The following PKD1 variants were observed in gnomAD, a reference collection of about 807,000 sequenced individuals.
PKD1 encodes polycystin-1.
A neutral mutation model predicts 361.7 loss-of-function variants in PKD1; 81 were observed. The ratio of observed to expected loss-of-function variants is 0.22; its 90% CI spans 0.19 to 0.27. PKD1 has a LOEUF of 0.27. PKD1 is among the 10% of genes least tolerant of loss of function. PKD1 has a pLI of 1.00. For missense variants in PKD1, 6,399 were observed against 6,118.3 expected (o/e 1.05, Z -1.53); for synonymous variants, 3,615 against 2,818.3 (o/e 1.28, Z -8.95).
rs757367139 is a variant in PKD1 at position 2,100,242 on chromosome 16, G to A, written c.9636C>T (p.Phe3212=). The A allele has an allele frequency of 2.8e-5, 45 of 1,610,614 alleles. No individual in the cohort carries two copies. In the East Asian group the frequency reaches 4.2e-4, roughly 15 times the overall value. ...VRDLQTARSA[F]FLVNDWLSVE... is the part of the protein sequence containing the mutation. ...CCGAAAGCCAGTCATTGACCAGGAA[G>A]AAGGCGCTGCGTGCCGTCTGCAGGT... is the stretch of plus-strand genomic sequence containing the variant. The change falls in exon 28 of 46, where the codon TTC becomes TTT. Residue 3212 remains phenylalanine, a synonymous_variant. Transcript: ENST00000262304. The surrounding 1 kb of genome is among the most constrained non-coding windows in gnomAD (Gnocchi z 4.4).
intron 8 of PKD1, 36 bp downstream of exon 8, chr16:2,116,493 A>T (rs1567214616): frequency 1.7e-6 from 2 of 1,167,696 alleles, no homozygotes; most frequent in Non-Finnish European, 1.2e-6. Flanking sequence ...AGGGGCAGGC[A>T]GGAGGGCAGG....
At chr16:2,092,843 T>A in intron 38 of PKD1, 111 bp downstream of exon 38, 1 of 1,353,498 alleles carries the variant, frequency 7.4e-7, no homozygotes, top group Non-Finnish European at 1.1e-6. Flanking sequence ...CTACCTCCAG[T>A]TCTAGCAGCC....
Position 2,108,299 on chromosome 16 carries a change from C to A in PKD1, c.6868G>T (p.Asp2290Tyr), listed in dbSNP as rs550509675. ...CAGTGGAAACTGAGCGGCGTCTGGT[C>A]GCCGTCCTCCAGGTTGGGGTCGTAG... is the stretch of plus-strand genomic sequence containing the variant. ...ESYDPNLEDG[D>Y]QTPLSFHWAC... is the part of the protein sequence containing the mutation. Residue 2290 changes from aspartate (D) to tyrosine (Y), a missense_variant, in exon 15 of 46, where the codon GAC becomes TAC. Coordinates refer to ENST00000262304, the MANE Select transcript of PKD1 (RefSeq NM_001009944.3). The A allele has an allele frequency of 2.2e-5, 36 of 1,601,518 alleles. 2 individuals are homozygous for A. In the East Asian group the frequency reaches 3.6e-4, roughly 16 times the overall value.
In PKD1 at chr16:2,090,481, G is replaced by A. The variant is rs1406636973; in HGVS notation, c.12248C>T (p.Ser4083Leu). ...TLCPAESWHL[S>L]PLLCVGLWAL... The stretch of plus-strand genomic sequence containing the variant: ...CCAGAGCCCCACACACAGCAGGGGT[G>A]ACAGGTGCCAGGACTCGGCAGGACA... Residue 4083 changes from serine (S) to leucine (L), a missense_variant, in exon 45 of 46, where the codon TCA becomes TTA. Transcript: ENST00000262304. The A allele has an allele frequency of 1.2e-6, 2 of 1,612,120 alleles. No individual in the cohort carries two copies. Among genetic ancestry groups the A allele is most frequent in the African/African-American group, 1.3e-5 (1 of 75,036 alleles).
At chr16:2,131,138 C>T (rs1372253421) in intron 1 of PKD1, among the ~76,000 whole-genome samples, 7 of 152,164 alleles carry the variant, frequency 4.6e-5, no homozygotes, top group Non-Finnish European at 7.3e-5. Context: ...CAAGACACAG[C>T]GAGAAATCCA....
chr16:2,117,311 A>G (rs2092654274), intron 6 of PKD1, among the ~76,000 whole-genome samples, 178 bp downstream of exon 6: 2 of 152,072 alleles, frequency 1.3e-5, no homozygotes, highest in Admixed American at 6.5e-5. Flanking sequence ...CCCCCAGCTC[A>G]TGTCCACCTC....
In PKD1 at chr16:2,100,378, G is replaced by A; in HGVS notation, c.9568+18C>T. ...ATGCGGGGGCAGAGGGGCAGAGCTT[G>A]GCAGGGTCCGCACAAACCTTTGTTG... On this transcript the variant is annotated intron_variant, in intron 27 of 45. Transcript: ENST00000262304. The surrounding 1 kb of genome is among the most constrained non-coding windows in gnomAD (Gnocchi z 4.4). The A allele has an allele frequency of 6.2e-7, 1 of 1,611,176 alleles. No homozygotes were observed. Among genetic ancestry groups the A allele is most frequent in the Non-Finnish European group, 8.5e-7 (1 of 1,179,686 alleles).
At position 2,099,879 on chromosome 16, in the gene PKD1, A is replaced by G. The variant is rs2092019152; in HGVS notation, c.9905T>C (p.Val3302Ala). The change falls in exon 29 of 46, where the codon GTT (valine) becomes GCT (alanine). Residue 3302 changes from valine to alanine, a missense_variant. Val to Ala is a moderately conservative substitution (Grantham distance 64). Coordinates refer to ENST00000262304, the MANE Select transcript of PKD1 (RefSeq NM_001009944.3). ...LGANAVWYGA[V>A]GDSAYSTGHV... ...CACCCACCTGTAGGCAGAGTCGCCA[A>G]CAGCCCCGTACCACACGGCGTTGGC... The G allele has an allele frequency of 1.3e-6, 2 of 1,566,830 alleles. No homozygotes were observed. Among genetic ancestry groups the G allele is most frequent in the Admixed American group, 3.8e-5 (2 of 52,860 alleles).
rs759034846 is a variant in PKD1 at position 2,097,353 on chromosome 16, G to T, written c.10371C>A (p.Ser3457Arg). 1.2e-6 allele frequency: 2 copies of T among 1,612,212 alleles called. No homozygotes were observed. The highest frequency in any genetic ancestry group is 2.2e-5 in the South Asian group (2 of 91,080). ...GPEEDGFSLA[S>R]PYSPAKSFSA... ...AGAAGGATTTGGCAGGCGAGTAGGG[G>T]CTGGCCAGGGAGAAGCCGTCCTCCT... The change falls in exon 33 of 46, where the codon AGC becomes AGA. Residue 3457 changes from serine to arginine, a missense_variant. Coordinates refer to ENST00000262304, the MANE Select transcript of PKD1 (RefSeq NM_001009944.3).
chr16:2,113,056 C>A, intron 12 of PKD1, 93 bp from the exon 13 acceptor site: 2 of 1,359,160 alleles, frequency 1.5e-6, no homozygotes, highest in African/African-American at 1.4e-5. Context: ...GCCATGGCAG[C>A]GTCCTCGGGC....
Position 2,090,567 on chromosome 16 carries a change from G to T in PKD1, c.12162C>A (p.Ser4054=). 5.0e-6 allele frequency: 8 copies of T among 1,609,174 alleles called. No individual in the cohort carries two copies. The highest frequency in any genetic ancestry group is 5.1e-6 in the Non-Finnish European group (6 of 1,179,662). Residue 4054 remains serine (S), a synonymous_variant, in exon 45 of 46, where the codon TCC becomes TCA. Coordinates refer to ENST00000262304, the MANE Select transcript of PKD1 (RefSeq NM_001009944.3). ...ACAGGGCCTGGGCCACGCTCCAGAG[G>T]GAGTCCACACAGGAAGACACGAGCT... ...AILLVSSCVD[S]LWSVAQALLV...
Position 2,100,190 on chromosome 16 carries a change from C to G in PKD1, c.9688G>C (p.Val3230Leu), listed in dbSNP as rs747054731. Residue 3230 changes from valine (V) to leucine (L), a missense_variant, in exon 28 of 46, where the codon GTG becomes CTG. Val to Leu is a conservative substitution (Grantham distance 32). Transcript: ENST00000262304. This position sits in a 1 kb window ranked among gnomAD's most constrained non-coding sequence, Gnocchi z 4.4. ...CTCGCGGCCAGCACCTCCTTCTCCA[C>G]CAGGCCCCCGTTGGCCTCCGTCTCC... is the stretch of plus-strand genomic sequence containing the variant. The part of the protein sequence containing the change: ...SVETEANGGL[V>L]EKEVLAASDA... The G allele has an allele frequency of 1.2e-6, 2 of 1,609,630 alleles. No individual in the cohort carries two copies. The highest frequency in any genetic ancestry group is 2.7e-5 in the African/African-American group (2 of 74,844).
At chr16:2,092,783 C>G (rs2091656640) in intron 38 of PKD1, 171 bp downstream of exon 38, 3 of 884,208 alleles carry the variant, frequency 3.4e-6, no homozygotes, top group South Asian at 2.7e-5. Context: ...CTGTGCACTG[C>G]AAGACACGGA....
rs2092481034 is a variant in PKD1, at chr16:2,110,758, C to A, written c.4409G>T (p.Ser1470Ile). The A allele has an allele frequency of 6.2e-7, 1 of 1,610,752 alleles. No homozygotes were observed. The highest frequency in any genetic ancestry group is 8.5e-7 in the Non-Finnish European group (1 of 1,179,790). ...VEVQEPVLVT[S>I]IKVNGSLGLE... ...CCCAAGGGAGCCATTGACCTTGATG[C>A]TGGTGACCAGCACGGGCTCCTGCAC... is the stretch of plus-strand genomic sequence containing the variant. Residue 1470 changes from serine (S) to isoleucine (I), a missense_variant, in exon 15 of 46, where the codon AGC becomes ATC. Transcript: ENST00000262304.
chr16:2,114,083 T>G, intron 11 of PKD1, 87 bp downstream of exon 11: 8 of 1,137,436 alleles, frequency 7.0e-6, no homozygotes, highest in Non-Finnish European at 1.0e-5. Flanking sequence ...CTGCCCTCAC[T>G]GGGAAGCCAG....
chr16:2,089,504 G>A lies in PKD1; in HGVS notation c.*223C>T. The A allele has an allele frequency of 1.7e-6, 1 of 602,344 alleles. No homozygotes were observed. Among genetic ancestry groups the A allele is most frequent in the Non-Finnish European group, 3.0e-6 (1 of 337,466 alleles). 37.3% of individuals were successfully genotyped at this position (602,344 alleles called of 1,614,324 possible). ...CAGAGGCTAGAAACCGTCCAATACT[G>A]CTGTGTCCTTCCCAAGGGAGCTGGG... is the stretch of plus-strand genomic sequence containing the variant. On this transcript the variant is annotated 3_prime_UTR_variant, in exon 46 of 46. Coordinates refer to ENST00000262304, the MANE Select transcript of PKD1 (RefSeq NM_001009944.3).
In PKD1 at chr16:2,118,513, C is replaced by T. The variant is rs1428560236; in HGVS notation, c.530-51G>A. 7.0e-7 allele frequency: 1 copy of T among 1,421,512 alleles called. No individual in the cohort carries two copies. Among genetic ancestry groups the T allele is most frequent in the East Asian group, 2.5e-5 (1 of 40,548 alleles). The allele number at this position is 1,421,512 out of a possible 1,614,324, so 88.1% of individuals were successfully genotyped here. A position where few individuals can be genotyped will look rare whatever the true frequency, so the allele number is the denominator to read the frequency against. On this transcript the variant is annotated intron_variant, in intron 4 of 45. Transcript: ENST00000262304. The surrounding 1 kb of genome is among the most constrained non-coding windows in gnomAD (Gnocchi z 6.0). ...GGGTTCTGCTCCTCCTGGCTCCACCCCACGCCCCCACATCCGCCCGCCGCA... is the reference window on the plus strand; with the variant it reads ...GGGTTCTGCTCCTCCTGGCTCCACCTCACGCCCCCACATCCGCCCGCCGCA...
At position 2,091,200 on chromosome 16, in the gene PKD1, G is replaced by A. The variant is rs773610869; in HGVS notation, c.11713-26C>T. On this transcript the variant is annotated intron_variant, in intron 42 of 45. Coordinates refer to ENST00000262304, the MANE Select transcript of PKD1 (RefSeq NM_001009944.3). ...CTGTGGGGGGCGCGGTCAGGAGGGC[G>A]GGAGGGACGCTGCCGGGGCGGGGCC... The A allele has an allele frequency of 1.5e-6, 2 of 1,339,922 alleles. No homozygotes were observed. Among genetic ancestry groups the A allele is most frequent in the East Asian group, 6.6e-5 (2 of 30,206 alleles). The allele number at this position is 1,339,922 out of a possible 1,614,324, so 83.0% of individuals were successfully genotyped here.
chr16:2,132,412 A>G (rs919892945), intron 1 of PKD1, among the ~76,000 whole-genome samples: 2 of 151,620 alleles, frequency 1.3e-5, no homozygotes, highest in African/African-American at 4.9e-5. Context: ...TACTAAAAAT[A>G]CAAAAATTAG....
Sources: allele counts gnomAD v4.1 joint callset (sites outside exome capture counted in the v4.1 genomes callset), GRCh38; gene constraint gnomAD v4.1.1; non-coding constraint Gnocchi (gnomAD v3.1); transcripts MANE v1.5; gene names NCBI Gene and HGNC (gene_info 2026-07-23, HGNC 2026-07-21).